The following FAM228B variants were observed in gnomAD, a reference collection of about 807,000 sequenced individuals.
FAM228B encodes family with sequence similarity 228 member B, also known as protein FAM228B.
FAM228B carries 38 observed loss-of-function variants against 42.6 expected under a neutral mutation model. The observed-to-expected ratio is 0.89, with a 90% CI of 0.69 to 1.17. The LOEUF is 1.17. FAM228B is among the 50% of genes most tolerant of loss of function. FAM228B has a pLI of 0.00. For synonymous variants in FAM228B, 109 were observed against 122.3 expected (o/e 0.89, Z 0.72); for missense variants, 344 against 367.3 (o/e 0.94, Z 0.52).
intron 9 of FAM228B, chr2:24,165,259 T>C: frequency 2.4e-6 from 1 of 418,214 alleles, no homozygotes; most frequent in Admixed American, 2.6e-5. Context: ...GCAGGGCTTG[T>C]ACTGGACTCC....
At chr2:24,106,912 A>G (rs775503572) in intron 3 of FAM228B, among the ~76,000 whole-genome samples, 3 of 152,176 alleles carry the variant, frequency 2.0e-5, no homozygotes, top group Non-Finnish European at 4.4e-5. Context: ...TGACAGGATC[A>G]AATCTGCACA....
rs1388685539 is a variant in FAM228B at position 24,084,493 on chromosome 2, T to C, written c.-210+3538T>C. 19 of 912,982 alleles carry C rather than the reference T, an allele frequency of 2.1e-5. No individual in the cohort carries two copies. The East Asian group carries it at 5.6e-4, about 27-fold the overall frequency. 56.6% of individuals were successfully genotyped at this position (912,982 alleles called of 1,614,324 possible). On this transcript the variant is annotated intron_variant, in intron 2 of 10. Coordinates refer to the FAM228B transcript ENST00000613899. The surrounding 1 kb of genome is among the most constrained non-coding windows in gnomAD (Gnocchi z 8.4). Reference sequence around the variant, plus strand: ...CGCCCCCTGCCGGCCAGCGCCTCGCTGCCCTGGTCTGCCGCGGACCCGGCC... The same window carrying C: ...CGCCCCCTGCCGGCCAGCGCCTCGCCGCCCTGGTCTGCCGCGGACCCGGCC...
At chr2:24,085,261 T>A (rs1665206391) in intron 2 of FAM228B, 1 of 152,146 alleles carries the variant, frequency 6.6e-6, no homozygotes, top group South Asian at 2.1e-4. Flanking sequence ...CCTGGGATCC[T>A]TATCACTCGC....
At chr2:24,151,687 C>G (rs11125455) in intron 7 of FAM228B, among the ~76,000 whole-genome samples, 85,385 of 145,322 alleles carry the variant, frequency 0.59, 25,630 homozygotes, top group East Asian at 0.75. Flanking sequence ...TGGCCCAAGA[C>G]AATTTTTTTT....
At chr2:24,149,291 G>C (rs1404432760) in intron 7 of FAM228B, among the ~76,000 whole-genome samples, 1 of 152,096 alleles carries the variant, frequency 6.6e-6, no homozygotes, top group Non-Finnish European at 1.5e-5. Flanking sequence ...GTTTTTTGAG[G>C]CTCCTCCAAA....
intron 5 of FAM228B, among the ~76,000 whole-genome samples, chr2:24,141,496 G>A (rs948403713): frequency 6.6e-6 from 1 of 152,040 alleles, no homozygotes; most frequent in African/African-American, 2.4e-5. Context: ...CACCCGCCTC[G>A]ACCTCCCAAA....
upstream of FAM228B, among the ~76,000 whole-genome samples, chr2:24,120,026 T>C (rs920529891): frequency 4.6e-5 from 7 of 152,108 alleles, no homozygotes; most frequent in African/African-American, 1.7e-4. Context: ...CCCAGCACTT[T>C]GGGAGGCCAA....
rs150113334 is a variant in FAM228B, at chr2:24,089,084, C to T, written c.-209-6057C>T. Among the ~76,000 whole-genome samples, 975 of 152,256 alleles carry T rather than the reference C, an allele frequency of 6.4e-3. 7 individuals are homozygous for T. Among genetic ancestry groups the T allele is most frequent in the Middle Eastern group, 0.041 (12 of 294 alleles). On this transcript the variant is annotated intron_variant, in intron 2 of 10. Transcript: ENST00000613899. ...GAGAAATGGGCTGGGTGCTGTGGCTCATACCTATAATCCCAGCACTTTGGG... is the reference window on the plus strand; with the variant it reads ...GAGAAATGGGCTGGGTGCTGTGGCTTATACCTATAATCCCAGCACTTTGGG...
intron 2 of FAM228B, among the ~76,000 whole-genome samples, chr2:24,124,740 G>C (rs1312607762): frequency 1.3e-5 from 2 of 151,982 alleles, no homozygotes; most frequent in East Asian, 1.9e-4. Context: ...ATTTTGATAT[G>C]ATGTATTTAT....
At position 24,077,958 on chromosome 2, in the gene FAM228B, T is replaced by C. The variant is rs1282681955; in HGVS notation, c.-290+989T>C. On this transcript the variant is annotated intron_variant, in intron 1 of 10. Coordinates refer to the FAM228B transcript ENST00000613899. This position sits in a 1 kb window ranked among gnomAD's most constrained non-coding sequence, Gnocchi z 5.5. The stretch of plus-strand genomic sequence containing the variant: ...GCCATCTCAGAATATGTCCGATAGG[T>C]ATATTGTTAATTTTGAGGTGAAAGC... Among the ~76,000 whole-genome samples the C allele has an allele frequency of 6.6e-6, 1 of 152,126 alleles. No individual in the cohort carries two copies. The highest frequency in any genetic ancestry group is 6.5e-5 in the Admixed American group (1 of 15,278).
At chr2:24,140,407 C>G (rs2151020294) in intron 5 of FAM228B, among the ~76,000 whole-genome samples, 1 of 152,168 alleles carries the variant, frequency 6.6e-6, no homozygotes, top group Non-Finnish European at 1.5e-5. Flanking sequence ...AAACTCCTGA[C>G]CTCAAGCGAT....
At chr2:24,112,347 G>A (rs1573743676) in intron 3 of FAM228B, among the ~76,000 whole-genome samples, 3 of 145,394 alleles carry the variant, frequency 2.1e-5, no homozygotes, top group South Asian at 2.1e-4. Context: ...GTCGCCCAGG[G>A]TAGAGTGCCG....
At chr2:24,119,721 C>A, upstream of FAM228B, 1 of 1,502,116 alleles carries the variant, frequency 6.7e-7, no homozygotes, top group South Asian at 1.2e-5. Context: ...GCTCTTGGTT[C>A]TAATCACAGG....
chr2:24,133,371 A>T (rs780248428), intron 2 of FAM228B, among the ~76,000 whole-genome samples: 6 of 152,030 alleles, frequency 3.9e-5, no homozygotes, highest in Non-Finnish European at 8.8e-5. Context: ...ACTAGAGTAG[A>T]CTCATTTGAG....
At chr2:24,137,011 G>C (rs1321480409) in intron 3 of FAM228B, among the ~76,000 whole-genome samples, 1 of 152,090 alleles carries the variant, frequency 6.6e-6, no homozygotes, top group Non-Finnish European at 1.5e-5. Context: ...CGTATATGTG[G>C]AATCCTGTAC....
chr2:24,129,876 A>G (rs1467528129), intron 2 of FAM228B, among the ~76,000 whole-genome samples: 3 of 152,176 alleles, frequency 2.0e-5, no homozygotes, highest in Non-Finnish European at 4.4e-5. Context: ...ATAGGTATAT[A>G]TATGCCATGG....
chr2:24,087,957 G>A (rs34357414), intron 2 of FAM228B, among the ~76,000 whole-genome samples: 11 of 151,836 alleles, frequency 7.2e-5, no homozygotes, highest in Admixed American at 2.6e-4. Flanking sequence ...AGTCCAGGCT[G>A]GTCGCAAACT....
chr2:24,167,073 T>A (rs555826658), intron 9 of FAM228B, among the ~76,000 whole-genome samples: 1 of 151,010 alleles, frequency 6.6e-6, no homozygotes, highest in East Asian at 2.0e-4. Flanking sequence ...AGGTCTGGAG[T>A]AGGGGGGAAA....
At chr2:24,166,865 C>G (rs1573791129) in intron 9 of FAM228B, among the ~76,000 whole-genome samples, 1 of 151,788 alleles carries the variant, frequency 6.6e-6, no homozygotes, top group East Asian at 1.9e-4. Context: ...GATGGATGGG[C>G]CCAGGCAAAA....
Sources: gnomAD v4.1 joint callset for allele counts (sites outside exome capture counted in the v4.1 genomes callset) on GRCh38, gnomAD v4.1.1 for gene constraint, Gnocchi (gnomAD v3.1) non-coding constraint, MANE v1.5 for transcripts, NCBI Gene and HGNC (gene_info 2026-07-23, HGNC 2026-07-21) for gene names.